Variants in MAML2 observed in about 807,000 individuals in gnomAD.
The protein encoded by MAML2 is mastermind like transcriptional coactivator 2.
Under a neutral mutation model 96.1 loss-of-function variants are expected in MAML2, and 22 were observed. The observed-to-expected ratio is 0.23, with a 90% confidence interval of 0.16 to 0.33. The LOEUF is 0.33. Among genes scored for constraint, MAML2 ranks in the 10% least tolerant of loss-of-function variants. MAML2 has a pLI of 1.00. For synonymous variants in MAML2, 561 were observed against 521.3 expected, an observed-to-expected ratio of 1.08 and a Z score of -1.04; for missense variants, 1,367 against 1,392.4, an observed-to-expected ratio of 0.98 and a Z score of 0.29.
intron 1 of MAML2, among the ~76,000 whole-genome samples, chr11:96,198,726 G>A (rs2135927999): frequency 1.3e-5 from 2 of 152,102 alleles, no homozygotes; most frequent in Middle Eastern, 6.8e-3. Context: ...CCGGAAGGAG[G>A]AACAATATCC....
chr11:96,213,100 A>C (rs1180329323), intron 1 of MAML2, among the ~76,000 whole-genome samples: 3 of 152,210 alleles, frequency 2.0e-5, no homozygotes, highest in Admixed American at 6.5e-5. Flanking sequence ...TGAGGTGACC[A>C]AGATACAGAG....
intron 2 of MAML2, among the ~76,000 whole-genome samples, chr11:96,082,860 G>A (rs987966695): frequency 2.6e-5 from 4 of 152,176 alleles, no homozygotes; most frequent in Non-Finnish European, 5.9e-5. Context: ...AGTAGCACCT[G>A]GGAAGGGAGA....
chr11:95,994,352 T>G (rs926005542), intron 2 of MAML2, among the ~76,000 whole-genome samples: 2 of 152,222 alleles, frequency 1.3e-5, no homozygotes, highest in Non-Finnish European at 2.9e-5. Flanking sequence ...CTTTCAACTT[T>G]AAATCCATCA....
intron 1 of MAML2, among the ~76,000 whole-genome samples, chr11:96,274,787 T>A (rs1338385465): frequency 6.6e-6 from 1 of 152,208 alleles, no homozygotes; most frequent in East Asian, 1.9e-4. Context: ...AAAAATGCAT[T>A]CTTTTTGTAA....
chr11:96,139,409 A>G (rs931087295), intron 1 of MAML2, among the ~76,000 whole-genome samples: 5 of 151,480 alleles, frequency 3.3e-5, no homozygotes, highest in African/African-American at 1.2e-4. Context: ...CCTGGGAGGC[A>G]GAGCTTGCAC....
chr11:96,318,156 AAAC>A (rs1863655617), intron 1 of MAML2, among the ~76,000 whole-genome samples: 1 of 152,230 alleles, frequency 6.6e-6, no homozygotes, highest in Non-Finnish European at 1.5e-5. Flanking sequence ...AGGGCAGATA[AAAC>A]TGAGCAGTGT....
chr11:96,157,455 C>T lies in MAML2; in HGVS notation c.514-63938G>A, dbSNP rs113104494. 9.0e-3 allele frequency among the ~76,000 whole-genome samples: 1,377 copies of T among 152,348 alleles called. 13 individuals carry two copies. The highest frequency in any genetic ancestry group is 0.013 in the Non-Finnish European group (852 of 68,024). On this transcript the variant is annotated intron_variant, in intron 1 of 4. Coordinates refer to ENST00000524717, the MANE Select transcript of MAML2 (RefSeq NM_032427.4). ...TAGGAGAATAATTTTCATTATGGAA[C>T]GTCATGGGACTTTGGCAAAATGCCA... is the stretch of plus-strand genomic sequence containing the variant.
At chr11:96,015,294 A>G (rs1175023514) in intron 2 of MAML2, among the ~76,000 whole-genome samples, 1 of 152,206 alleles carries the variant, frequency 6.6e-6, no homozygotes. Flanking sequence ...TCTGCATTTG[A>G]TATAGGAGTA....
At chr11:96,100,735 CTTTTTTTTTTTTCTT>C (rs1362083514) in intron 1 of MAML2, among the ~76,000 whole-genome samples, 1 of 136,160 alleles carries the variant, frequency 7.3e-6, no homozygotes, top group Non-Finnish European at 1.5e-5. Context: ...GTCAAAATAG[CTTTTTTTTTTTTCTT>C]TTTTTTTTTT....
intron 2 of MAML2, among the ~76,000 whole-genome samples, chr11:96,009,898 T>C (rs187363666): frequency 7.9e-5 from 12 of 152,332 alleles, no homozygotes; most frequent in Admixed American, 4.6e-4. Context: ...ATGTATTCCT[T>C]AATATAAGTA....
intron 2 of MAML2, among the ~76,000 whole-genome samples, chr11:96,059,872 C>T (rs556679732): frequency 6.6e-6 from 1 of 152,234 alleles, no homozygotes; most frequent in South Asian, 2.1e-4. Context: ...AAAAGTGGTC[C>T]TTGCCCTTGA....
intron 1 of MAML2, among the ~76,000 whole-genome samples, chr11:96,293,210 A>G (rs1473795861): frequency 6.6e-6 from 1 of 152,226 alleles, no homozygotes; most frequent in Non-Finnish European, 1.5e-5. Flanking sequence ...CATTGTTACT[A>G]TTAAAGCATC....
At chr11:96,162,874 A>G (rs1477603125) in intron 1 of MAML2, among the ~76,000 whole-genome samples, 3 of 152,190 alleles carry the variant, frequency 2.0e-5, no homozygotes, top group African/African-American at 7.2e-5. Flanking sequence ...GTTTGATTAA[A>G]TGACCATCCT....
At chr11:96,190,175 G>T (rs761200559) in intron 1 of MAML2, among the ~76,000 whole-genome samples, 1 of 152,170 alleles carries the variant, frequency 6.6e-6, no homozygotes. Flanking sequence ...TTGATGTGAG[G>T]TGAGGTTTTT....
chr11:96,219,379 G>C (rs1212276087), intron 1 of MAML2, among the ~76,000 whole-genome samples: 2 of 152,158 alleles, frequency 1.3e-5, no homozygotes, highest in African/African-American at 2.4e-5. Flanking sequence ...TCGGGCATGA[G>C]TTCTTTGCCA....
chr11:96,270,885 C>A (rs2135979680), intron 1 of MAML2, among the ~76,000 whole-genome samples: 1 of 152,202 alleles, frequency 6.6e-6, no homozygotes, highest in East Asian at 1.9e-4. Flanking sequence ...AAAGGCAGAC[C>A]CACCCTCAAT....
rs74898552 is a variant in MAML2 at position 96,323,636 on chromosome 11, G to A, written c.513+17747C>T. On this transcript the variant is annotated intron_variant, in intron 1 of 4. Coordinates refer to ENST00000524717, the MANE Select transcript of MAML2 (RefSeq NM_032427.4). ...TTGAGGCCCACTCACAGTATAATCT[G>A]GTCCTGATGCATTCCTTCATGGGAA... Among the ~76,000 whole-genome samples the A allele has an allele frequency of 1.6e-3, 247 of 152,266 alleles. 2 individuals are homozygous for A. Among genetic ancestry groups the A allele is most frequent in the African/African-American group, 5.8e-3 (243 of 41,550 alleles).
chr11:96,331,126 C>T (rs1863848280), intron 1 of MAML2, among the ~76,000 whole-genome samples: 1 of 151,908 alleles, frequency 6.6e-6, no homozygotes, highest in African/African-American at 2.4e-5. Flanking sequence ...CTAAAATTAG[C>T]CAAGGGTGGT....
rs185021353 is a variant in MAML2, at chr11:96,315,163, T to A, written c.513+26220A>T. 1.9e-3 allele frequency among the ~76,000 whole-genome samples: 291 copies of A among 152,306 alleles called. 1 individual carries two copies. Among genetic ancestry groups the A allele is most frequent in the African/African-American group, 6.8e-3 (284 of 41,564 alleles). On this transcript the variant is annotated intron_variant, in intron 1 of 4. Transcript: ENST00000524717. ...CAGACATATTTTGCCTTCCAGGGGA[T>A]ACTTGACAATGTCTGATCCCAATTC... is the stretch of plus-strand genomic sequence containing the variant.
Sources: gnomAD v4.1 joint callset for allele counts (sites outside exome capture counted in the v4.1 genomes callset) on GRCh38, gnomAD v4.1.1 for gene constraint, MANE v1.5 for transcripts, NCBI Gene and HGNC (gene_info 2026-07-23, HGNC 2026-07-21) for gene names.